Variants in PCDHGB5 observed in about 807,000 individuals in gnomAD.
The protein encoded by PCDHGB5 is protocadherin gamma subfamily B, 5, also known as protocadherin gamma-B5.
PCDHGB5 carries 48 observed loss-of-function variants against 62.9 expected under a neutral mutation model. That is an observed-to-expected ratio of 0.76 (90% CI 0.61 to 0.97). PCDHGB5 has a LOEUF of 0.97. Ranked by LOEUF, PCDHGB5 falls within the 50% of genes least tolerant of loss-of-function variation. The probability of loss-of-function intolerance (pLI) is 0.00; values close to 1 mark genes in which losing one functional copy is unlikely to be tolerated. For synonymous variants in PCDHGB5, 474 were observed against 511.2 expected (o/e 0.93, Z 0.98); for missense variants, 1,118 against 1,198.6 (o/e 0.93, Z 0.99).
chr5:141,479,801 G>A (rs2099507037), intron 1 of PCDHGB5, among the ~76,000 whole-genome samples: 1 of 152,118 alleles, frequency 6.6e-6, no homozygotes, highest in Non-Finnish European at 1.5e-5. Flanking sequence ...AATTCAGGGT[G>A]GTATGCAAGG....
chr5:141,495,424 A>G (rs927637242), intron 2 of PCDHGB5, among the ~76,000 whole-genome samples: 2 of 152,088 alleles, frequency 1.3e-5, no homozygotes, highest in Non-Finnish European at 2.9e-5. Flanking sequence ...CCCTCCTCCC[A>G]CTGTCCTCTG....
rs1194909537 is a variant in PCDHGB5 at position 141,511,022 on chromosome 5, T to C, written c.2621T>C (p.Phe874Ser). 1 of 1,614,176 alleles carries C rather than the reference T, an allele frequency of 6.2e-7. No individual in the cohort carries two copies. The highest frequency in any genetic ancestry group is 8.5e-7 in the Non-Finnish European group (1 of 1,180,020). ...MGLSARYGPQ[F>S]TLQHVPDYRQ... ...TTGAGCGCCCGCTACGGACCCCAGT[T>C]CACCCTGCAGCACGTGCCCGACTAC... The change falls in exon 4 of 4, where the codon TTC becomes TCC. Residue 874 changes from phenylalanine (F) to serine (S), a missense_variant. Transcript: ENST00000617380.
intron 1 of PCDHGB5, among the ~76,000 whole-genome samples, chr5:141,463,438 C>CTTTTTTTTTTTTT (rs71576115): frequency 9.7e-6 from 1 of 103,256 alleles, no homozygotes; most frequent in Non-Finnish European, 1.9e-5. Context: ...TTTCCTTCTC[C>CTTTTTTTTTTTTT]TTTTTTTTTT....
chr5:141,415,920 G>T, intron 1 of PCDHGB5: 1 of 692,798 alleles, frequency 1.4e-6, no homozygotes, highest in Non-Finnish European at 2.0e-6. Context: ...AGAAGTGCCT[G>T]TCAATTTATA....
Position 141,399,311 on chromosome 5 carries a change from A to G in PCDHGB5, c.1184A>G (p.Lys395Arg). 1 of 1,613,970 alleles carries G rather than the reference A, an allele frequency of 6.2e-7. No homozygotes were observed. The highest frequency in any genetic ancestry group is 8.5e-7 in the Non-Finnish European group (1 of 1,179,896). The change falls in exon 1 of 4, where the codon AAA becomes AGA. Residue 395 changes from lysine (K) to arginine (R), a missense_variant. Lys to Arg is a conservative substitution (Grantham distance 26). Coordinates refer to ENST00000617380, the MANE Select transcript of PCDHGB5 (RefSeq NM_018925.3). The part of the protein sequence containing the change: ...EVPFKIISSS[K>R]NSYKLVTDGT... ...CCTTTTAAGATTATCTCTTCATCCA[A>G]AAATTCGTATAAGTTGGTAACAGAT...
chr5:141,463,975 C>T lies in PCDHGB5; in HGVS notation c.2398-30832C>T, dbSNP rs145316182. Among the ~76,000 whole-genome samples the T allele has an allele frequency of 1.3e-3, 204 of 151,992 alleles. 1 individual carries two copies. Among genetic ancestry groups the T allele is most frequent in the African/African-American group, 4.8e-3 (198 of 41,474 alleles). The stretch of plus-strand genomic sequence containing the variant: ...TTTTTAAAATAGCTTCATAAAACTC[C>T]ATTGTAAAAACCAGGTGCAGTGGCT... On this transcript the variant is annotated intron_variant, in intron 1 of 3. Transcript: ENST00000617380.
At chr5:141,429,559 A>G (rs2097222911) in intron 1 of PCDHGB5, among the ~76,000 whole-genome samples, 2 of 152,146 alleles carry the variant, frequency 1.3e-5, no homozygotes, top group Admixed American at 6.5e-5. Context: ...TGATTTGATA[A>G]TATTCAGTTA....
Position 141,487,810 on chromosome 5 carries a change from C to T in PCDHGB5, c.2398-6997C>T. 7.1e-7 allele frequency: 1 copy of T among 1,417,854 alleles called. No homozygotes were observed. 87.8% of individuals were successfully genotyped at this position (1,417,854 alleles called of 1,614,324 possible). ...ATTAACCAGAGTTGTCACAGTTTAG[C>T]ATTGGGGGCGGGTCATGCCTATATC... is the stretch of plus-strand genomic sequence containing the variant. On this transcript the variant is annotated intron_variant, in intron 1 of 3. Coordinates refer to ENST00000617380, the MANE Select transcript of PCDHGB5 (RefSeq NM_018925.3). This position sits in a 1 kb window ranked among gnomAD's most constrained non-coding sequence, Gnocchi z 5.0.
intron 1 of PCDHGB5, chr5:141,405,544 C>T: frequency 1.6e-6 from 1 of 632,908 alleles, no homozygotes; most frequent in Non-Finnish European, 2.7e-6. Context: ...CTCAGCCTCC[C>T]AAGTAGAGTA....
chr5:141,489,530 G>C lies in PCDHGB5; in HGVS notation c.2398-5277G>C, dbSNP rs751249228. 17 of 1,614,092 alleles carry C rather than the reference G, an allele frequency of 1.1e-5. 1 individual carries two copies. In the South Asian group the frequency reaches 1.9e-4, roughly 18 times the overall value. ...AAGATTGACCGAGAAAGCCTATGTG[G>C]AGCCAGCACCAGCTGCCTGCTGCCA... On this transcript the variant is annotated intron_variant, in intron 1 of 3. Coordinates refer to ENST00000617380, the MANE Select transcript of PCDHGB5 (RefSeq NM_018925.3). The surrounding 1 kb of genome is among the most constrained non-coding windows in gnomAD (Gnocchi z 4.5).
rs369227893 is a variant in PCDHGB5, at chr5:141,419,063, T to A, written c.2397+18539T>A. 47 of 1,613,840 alleles carry A rather than the reference T, an allele frequency of 2.9e-5. No homozygotes were observed. The highest frequency in any genetic ancestry group is 4.0e-5 in the Non-Finnish European group (47 of 1,179,904). On this transcript the variant is annotated intron_variant, in intron 1 of 3. Coordinates refer to ENST00000617380, the MANE Select transcript of PCDHGB5 (RefSeq NM_018925.3). ...GATTCATTCTTCTTCTAATAATTACTACAAGCTAGTAACAGATGAGGCCCT... is the reference window on the plus strand; with the variant it reads ...GATTCATTCTTCTTCTAATAATTACAACAAGCTAGTAACAGATGAGGCCCT...
rs749781059 is a variant in PCDHGB5 at position 141,477,983 on chromosome 5, C to G, written c.2398-16824C>G. On this transcript the variant is annotated intron_variant, in intron 1 of 3. Coordinates refer to ENST00000617380, the MANE Select transcript of PCDHGB5 (RefSeq NM_018925.3). This position sits in a 1 kb window ranked among gnomAD's most constrained non-coding sequence, Gnocchi z 4.9. ...TAACCAGAGCCTTTTTGCCATAGGG[C>G]TGCACACTGGTCAAATCAGTACTGC... The G allele has an allele frequency of 1.7e-5, 27 of 1,614,126 alleles. No homozygotes were observed. The highest frequency in any genetic ancestry group is 2.3e-5 in the Non-Finnish European group (27 of 1,180,024).
rs1370105984 is a variant in PCDHGB5 at position 141,399,936 on chromosome 5, C to A, written c.1809C>A (p.His603Gln). Residue 603 changes from histidine (H) to glutamine (Q), a missense_variant, in exon 1 of 4, where the codon CAC becomes CAA. By Grantham distance (24) the His-to-Gln change is conservative (BLOSUM62 0). This residue lies in a region of PCDHGB5 where 1,034 missense variants were observed against 1,029.1 expected (regional missense o/e 1.00). Coordinates refer to ENST00000617380, the MANE Select transcript of PCDHGB5 (RefSeq NM_018925.3). ...DSGHNAWLSY[H>Q]VLQASEPGLF... ...GACACAACGCCTGGCTGTCCTACCA[C>A]GTGCTGCAGGCTAGCGAGCCCGGGC... The A allele has an allele frequency of 6.2e-7, 1 of 1,612,268 alleles. No individual in the cohort carries two copies. Among genetic ancestry groups the A allele is most frequent in the African/African-American group, 1.3e-5 (1 of 74,906 alleles).
Position 141,485,818 on chromosome 5 carries a change from C to A in PCDHGB5, c.2398-8989C>A, listed in dbSNP as rs757848513. The A allele has an allele frequency of 1.2e-6, 2 of 1,613,910 alleles. No individual in the cohort carries two copies. The highest frequency in any genetic ancestry group is 1.7e-6 in the Non-Finnish European group (2 of 1,179,974). On this transcript the variant is annotated intron_variant, in intron 1 of 3. Transcript: ENST00000617380. The surrounding 1 kb of genome is among the most constrained non-coding windows in gnomAD (Gnocchi z 5.7). ...ACTACCGCCTGGTGCTGACTGCTGT[C>A]GATGGAGGGAACCCGCCGAGATCTG...
intron 1 of PCDHGB5, chr5:141,404,626 T>C (rs1443011566): frequency 1.2e-6 from 2 of 1,614,164 alleles, no homozygotes; most frequent in Admixed American, 3.3e-5. Flanking sequence ...AGAATGACAA[T>C]GCCCCAGAAA....
At chr5:141,406,116 AG>A (rs982166274) in intron 1 of PCDHGB5, among the ~76,000 whole-genome samples, 4 of 147,788 alleles carry the variant, frequency 2.7e-5, no homozygotes, top group African/African-American at 1.0e-4. Context: ...TCTGTTGTCC[AG>A]GGTGGAATGC....
intron 1 of PCDHGB5, chr5:141,418,548 T>C: frequency 6.2e-7 from 1 of 1,613,964 alleles, no homozygotes; most frequent in Non-Finnish European, 8.5e-7. Flanking sequence ...CAGATAAGAA[T>C]CCTGGTAATA....
chr5:141,407,478 A>G (rs1230151085), intron 1 of PCDHGB5, among the ~76,000 whole-genome samples: 1 of 144,006 alleles, frequency 6.9e-6, no homozygotes, highest in Non-Finnish European at 1.6e-5. Flanking sequence ...TGAATGGAGT[A>G]TGGAAAATCT....
At chr5:141,472,022 T>A (rs949257396) in intron 1 of PCDHGB5, among the ~76,000 whole-genome samples, 6 of 152,176 alleles carry the variant, frequency 3.9e-5, no homozygotes, top group African/African-American at 1.4e-4. Context: ...CTATATTGTA[T>A]GTAGAAAGCT....
Sources: gnomAD v4.1 joint callset for allele counts (sites outside exome capture counted in the v4.1 genomes callset) on GRCh38, gnomAD v4.1.1 for gene constraint, gnomAD v4.1.1 regional missense constraint, Gnocchi (gnomAD v3.1) non-coding constraint, MANE v1.5 for transcripts, NCBI Gene and HGNC (gene_info 2026-07-23, HGNC 2026-07-21) for gene names.